PPARA: variants seen among roughly 807,000 people sequenced by gnomAD.
The protein encoded by PPARA is peroxisome proliferator-activated receptor alpha.
In PPARA, 22 loss-of-function variants were observed where a neutral mutation model predicts 42.2. That is an observed-to-expected ratio of 0.52 (90% CI 0.37 to 0.74). The LOEUF (loss-of-function observed/expected upper bound fraction) is 0.74, where lower values mean the gene tolerates loss of function less well. PPARA is among the 30% of genes least tolerant of loss of function. The pLI, the probability that PPARA is intolerant of heterozygous loss-of-function variation, is 0.00. For synonymous variants in PPARA, 242 were observed against 239.3 expected, an observed-to-expected ratio of 1.01 and a Z score of -0.10; for missense variants, 465 against 608.2, an observed-to-expected ratio of 0.76 and a Z score of 2.48.
intron 4 of PPARA, among the ~76,000 whole-genome samples, chr22:46,214,444 T>TG (rs970315784): frequency 2.7e-5 from 4 of 149,468 alleles, no homozygotes; most frequent in African/African-American, 5.0e-5. Flanking sequence ...GGCTAGGAGA[T>TG]GCGTGGGTCC....
rs550958949 is a variant in PPARA, at chr22:46,191,192, T to G, written c.-42-7150T>G. On this transcript the variant is annotated intron_variant, in intron 3 of 8. Transcript: ENST00000407236. This position sits in a 1 kb window ranked among gnomAD's most constrained non-coding sequence, Gnocchi z 4.6. ...CTGGGTGACAGAGTGAGACTGCATC[T>G]ATAAAAACAACAACAAAAAAGAAAA... Among the ~76,000 whole-genome samples, 87 of 152,226 alleles carry G rather than the reference T, an allele frequency of 5.7e-4. No individual in the cohort carries two copies. The highest frequency in any genetic ancestry group is 2.1e-3 in the African/African-American group (86 of 41,530).
chr22:46,178,784 G>T (rs945415286), intron 3 of PPARA, among the ~76,000 whole-genome samples: 14 of 152,160 alleles, frequency 9.2e-5, no homozygotes, highest in Non-Finnish European at 1.9e-4. Flanking sequence ...GTGAGTGTTT[G>T]TTAGGAGAGG....
intron 2 of PPARA, among the ~76,000 whole-genome samples, chr22:46,159,595 T>C (rs148245210): frequency 3.7e-4 from 57 of 152,338 alleles, no homozygotes; most frequent in African/African-American, 1.4e-3. Flanking sequence ...TTGTTAGCCT[T>C]TTCCAGAAAG....
chr22:46,195,231 C>A lies in PPARA; in HGVS notation c.-42-3111C>A, dbSNP rs143559097. Among the ~76,000 whole-genome samples the A allele has an allele frequency of 5.5e-4, 84 of 152,208 alleles. No homozygotes were observed. Among genetic ancestry groups the A allele is most frequent in the African/African-American group, 2.0e-3 (83 of 41,526 alleles). On this transcript the variant is annotated intron_variant, in intron 3 of 8. Coordinates refer to ENST00000407236, the MANE Select transcript of PPARA (RefSeq NM_005036.6). This position sits in a 1 kb window ranked among gnomAD's most constrained non-coding sequence, Gnocchi z 4.6. ...GCTACTTGCTTTCTATTGGGATGAA[C>A]CTCATGGTTAATACAGTTAGTTAGT...
chr22:46,189,477 G>C (rs1373245888), intron 3 of PPARA, among the ~76,000 whole-genome samples: 1 of 152,132 alleles, frequency 6.6e-6, no homozygotes, highest in Non-Finnish European at 1.5e-5. Context: ...TAATGCTTTA[G>C]GTATTGTTGG....
Position 46,221,804 on chromosome 22 carries a change from G to A in PPARA, c.711+1790G>A, listed in dbSNP as rs964219483. 1.3e-5 allele frequency among the ~76,000 whole-genome samples: 2 copies of A among 152,018 alleles called. No individual in the cohort carries two copies. Among genetic ancestry groups the A allele is most frequent in the Admixed American group, 6.6e-5 (1 of 15,252 alleles). ...GACAAAGCCAGCTGTGTCTGGGCGCGGTGGCTCATGTCTGTAATCCCAGCA... is the reference window on the plus strand; with the variant it reads ...GACAAAGCCAGCTGTGTCTGGGCGCAGTGGCTCATGTCTGTAATCCCAGCA... On this transcript the variant is annotated intron_variant, in intron 7 of 8. Coordinates refer to ENST00000407236, the MANE Select transcript of PPARA (RefSeq NM_005036.6). The surrounding 1 kb of genome is among the most constrained non-coding windows in gnomAD (Gnocchi z 5.9).
rs1181350800 is a variant in PPARA, at chr22:46,173,884, C to T, written c.-126-2869C>T. 6.6e-6 allele frequency among the ~76,000 whole-genome samples: 1 copy of T among 151,790 alleles called. No individual in the cohort carries two copies. The highest frequency in any genetic ancestry group is 1.5e-5 in the Non-Finnish European group (1 of 68,034). On this transcript the variant is annotated intron_variant, in intron 2 of 8. Coordinates refer to ENST00000407236, the MANE Select transcript of PPARA (RefSeq NM_005036.6). This position sits in a 1 kb window ranked among gnomAD's most constrained non-coding sequence, Gnocchi z 4.3. ...TCACCCTCAAATACACACACACATA[C>T]ACATATATACATACATACCTATAAA... is the stretch of plus-strand genomic sequence containing the variant.
intron 4 of PPARA, among the ~76,000 whole-genome samples, chr22:46,202,198 G>GCT (rs1315470588): frequency 2.0e-5 from 3 of 152,230 alleles, no homozygotes; most frequent in Non-Finnish European, 2.9e-5. Flanking sequence ...CTTATTCTGT[G>GCT]CTCTCTCCTG....
chr22:46,213,749 C>T (rs578126947), intron 4 of PPARA, among the ~76,000 whole-genome samples: 2 of 152,200 alleles, frequency 1.3e-5, no homozygotes, highest in Admixed American at 6.5e-5. Flanking sequence ...CCACCACGCC[C>T]GGCTAATTTT....
At position 46,231,845 on chromosome 22, in the gene PPARA, G is replaced by A; in HGVS notation, c.765G>A (p.Val255=). The stretch of plus-strand genomic sequence containing the variant: ...TGTGTATGGCTGAGAAGACGCTGGT[G>A]GCCAAGCTGGTGGCCAATGGCATCC... ...ETLCMAEKTL[V]AKLVANGIQN... is the part of the protein sequence containing the mutation. Residue 255 remains valine, a synonymous_variant, in exon 8 of 9, where the codon GTG becomes GTA. Coordinates refer to ENST00000407236, the MANE Select transcript of PPARA (RefSeq NM_005036.6). This position sits in a 1 kb window ranked among gnomAD's most constrained non-coding sequence, Gnocchi z 7.7. The A allele has an allele frequency of 6.2e-7, 1 of 1,613,974 alleles. No individual in the cohort carries two copies. Among genetic ancestry groups the A allele is most frequent in the Non-Finnish European group, 8.5e-7 (1 of 1,180,000 alleles).
At chr22:46,229,690 A>G (rs1359828932) in intron 7 of PPARA, among the ~76,000 whole-genome samples, 1 of 152,232 alleles carries the variant, frequency 6.6e-6, no homozygotes, top group Non-Finnish European at 1.5e-5. Context: ...AAGGTCTTGG[A>G]GAGAGATCAT....
rs1275749675 is a variant in PPARA at position 46,221,141 on chromosome 22, G to A, written c.711+1127G>A. ...AGCAGAAGGTGAAGTGGGAGTAGGC[G>A]TCTTGCATGGCAGGAGCAAAAACAA... is the stretch of plus-strand genomic sequence containing the variant. On this transcript the variant is annotated intron_variant, in intron 7 of 8. Transcript: ENST00000407236. This position sits in a 1 kb window ranked among gnomAD's most constrained non-coding sequence, Gnocchi z 5.9. Among the ~76,000 whole-genome samples, 3 of 152,092 alleles carry A rather than the reference G, an allele frequency of 2.0e-5. No individual in the cohort carries two copies. The highest frequency in any genetic ancestry group is 4.4e-5 in the Non-Finnish European group (3 of 68,020).
At chr22:46,174,266 G>GAAGGAAAGGAAGGAAGGAAGA (rs1555935204) in intron 2 of PPARA, among the ~76,000 whole-genome samples, 8 of 64,756 alleles carry the variant, frequency 1.2e-4, no homozygotes, top group African/African-American at 4.7e-4. Flanking sequence ...AGGAAGGAAG[G>GAAGGAAAGGAAGGAAGGAAGA]AAGGAAGGAA....
Position 46,160,500 on chromosome 22 carries a change from G to A in PPARA, c.-127+8530G>A, listed in dbSNP as rs1926003568. Among the ~76,000 whole-genome samples, 2 of 152,146 alleles carry A rather than the reference G, an allele frequency of 1.3e-5. No homozygotes were observed. The highest frequency in any genetic ancestry group is 4.8e-5 in the African/African-American group (2 of 41,428). On this transcript the variant is annotated intron_variant, in intron 2 of 8. Transcript: ENST00000407236. This position sits in a 1 kb window ranked among gnomAD's most constrained non-coding sequence, Gnocchi z 4.5. ...TTTAGTAGAGATGGGGTTTCACCACGTTGGCCAGGCTGGTCTCAAACTCCC... is the reference window on the plus strand; with the variant it reads ...TTTAGTAGAGATGGGGTTTCACCACATTGGCCAGGCTGGTCTCAAACTCCC...
Position 46,243,554 on chromosome 22 carries a change from A to G in PPARA, c.*8174A>G, listed in dbSNP as rs1159638861. Reference sequence around the variant, plus strand: ...GCAATTAGAAAATGGCTATAAAATAACCTTAATTTTAAAAAAAAATCTTGG... The same window carrying G: ...GCAATTAGAAAATGGCTATAAAATAGCCTTAATTTTAAAAAAAAATCTTGG... On this transcript the variant is annotated 3_prime_UTR_variant, in exon 9 of 9. Transcript: ENST00000407236. This position sits in a 1 kb window ranked among gnomAD's most constrained non-coding sequence, Gnocchi z 5.0. 1 of 152,206 alleles carries G rather than the reference A, an allele frequency of 6.6e-6. No homozygotes were observed. The highest frequency in any genetic ancestry group is 1.5e-5 in the Non-Finnish European group (1 of 68,000). The allele number at this position is 152,206 out of a possible 1,614,324, so 9.4% of individuals were successfully genotyped here.
intron 3 of PPARA, among the ~76,000 whole-genome samples, chr22:46,179,003 C>T (rs148424074): frequency 7.7e-4 from 117 of 152,278 alleles, no homozygotes; most frequent in African/African-American, 2.6e-3. Flanking sequence ...AGTCCAAGAG[C>T]ATGGTGCTGG....
rs377452771 is a variant in PPARA, at chr22:46,172,641, C to T, written c.-126-4112C>T. 2.3e-4 allele frequency among the ~76,000 whole-genome samples: 35 copies of T among 152,146 alleles called. No homozygotes were observed. The East Asian group carries it at 2.5e-3, about 11-fold the overall frequency. ...TCAAAAAAGAAAAAAACAGACTTTC[C>T]GACCAAACGATCGACAAACCAGACT... On this transcript the variant is annotated intron_variant, in intron 2 of 8. Transcript: ENST00000407236.
chr22:46,153,502 G>A (rs574523954), intron 2 of PPARA, among the ~76,000 whole-genome samples: 4 of 152,134 alleles, frequency 2.6e-5, no homozygotes, highest in Admixed American at 6.6e-5. Context: ...AGTAGGAGAC[G>A]TGTCATAATC....
intron 4 of PPARA, among the ~76,000 whole-genome samples, chr22:46,210,609 A>AT (rs1569230722): frequency 6.6e-6 from 1 of 151,746 alleles, no homozygotes; most frequent in Non-Finnish European, 1.5e-5. Context: ...TGCCCAGATA[A>AT]TTTTTTGTAT....
Sources: allele counts gnomAD v4.1 joint callset (sites outside exome capture counted in the v4.1 genomes callset), GRCh38; gene constraint gnomAD v4.1.1; non-coding constraint Gnocchi (gnomAD v3.1); transcripts MANE v1.5; gene names NCBI Gene and HGNC (gene_info 2026-07-23, HGNC 2026-07-21).